Variants in SRD5A2 observed in about 807,000 individuals in gnomAD.
SRD5A2 encodes steroid 5 alpha-reductase 2, also known as 3-oxo-5-alpha-steroid 4-dehydrogenase 2.
In SRD5A2, 30 loss-of-function variants were observed where a neutral mutation model predicts 27.4. The ratio of observed to expected loss-of-function variants is 1.10; its 90% CI spans 0.82 to 1.49. The LOEUF (loss-of-function observed/expected upper bound fraction) is 1.49, where lower values mean the gene tolerates loss of function less well. Among genes scored for constraint, SRD5A2 ranks in the 40% most tolerant of loss-of-function variants. SRD5A2 has a pLI of 0.00. For missense variants in SRD5A2, 348 were observed against 323.4 expected, an observed-to-expected ratio of 1.08 and a Z score of -0.58; for synonymous variants, 141 against 133.6, an observed-to-expected ratio of 1.06 and a Z score of -0.38.
intron 1 of SRD5A2, among the ~76,000 whole-genome samples, chr2:31,575,302 G>GACTCAA (rs1257417591): frequency 6.6e-6 from 1 of 152,188 alleles, no homozygotes. Flanking sequence ...CTCATGAGAA[G>GACTCAA]ACTCAAGTTC....
At chr2:31,601,825 C>T in the SRD5A2 span, among the ~76,000 whole-genome samples, 5 of 151,850 alleles carry the variant, frequency 3.3e-5, no homozygotes, top group South Asian at 2.1e-4. Context: ...TTATTTCAAT[C>T]GATGCAGAAA....
At chr2:31,651,158 T>C in the SRD5A2 span, among the ~76,000 whole-genome samples, 1 of 152,126 alleles carries the variant, frequency 6.6e-6, no homozygotes. Context: ...ATCCCACCCA[T>C]CCCTGGCTCT....
the SRD5A2 span, among the ~76,000 whole-genome samples, chr2:31,630,049 C>T: frequency 2.6e-5 from 4 of 152,170 alleles, no homozygotes; most frequent in African/African-American, 7.2e-5. Context: ...ATGTGGGACC[C>T]ATTCCCCACC....
intron 1 of SRD5A2, among the ~76,000 whole-genome samples, chr2:31,546,955 AG>A (rs1209860182): frequency 2.6e-5 from 4 of 152,040 alleles, no homozygotes; most frequent in Non-Finnish European, 5.9e-5. Context: ...AAAAGTAGCC[AG>A]GCGTGGTGGC....
chr2:31,588,198 T>C, the SRD5A2 span, among the ~76,000 whole-genome samples: 1 of 152,104 alleles, frequency 6.6e-6, no homozygotes, highest in South Asian at 2.1e-4. Flanking sequence ...GTGGAAAGTT[T>C]ATTCAAAGGG....
the SRD5A2 span, among the ~76,000 whole-genome samples, chr2:31,627,295 G>A: frequency 6.6e-6 from 1 of 151,900 alleles, no homozygotes; most frequent in African/African-American, 2.4e-5. Context: ...GTATTTCTGT[G>A]GGTTCAGTGG....
In SRD5A2 at chr2:31,540,065, C is replaced by T. The variant is rs544361885; in HGVS notation, c.282-6299G>A. Among the ~76,000 whole-genome samples the T allele has an allele frequency of 4.6e-5, 7 of 152,110 alleles. No homozygotes were observed. The East Asian group carries it at 5.8e-4, about 13-fold the overall frequency. On this transcript the variant is annotated intron_variant, in intron 1 of 4. Coordinates refer to ENST00000622030, the MANE Select transcript of SRD5A2 (RefSeq NM_000348.4). Reference sequence around the variant, plus strand: ...AATGAGGAAGAAAAATGTGGCATTACGGGAAGTATGTTTTCTACACTCAAA... The same window carrying T: ...AATGAGGAAGAAAAATGTGGCATTATGGGAAGTATGTTTTCTACACTCAAA...
At chr2:31,639,411 C>T in the SRD5A2 span, among the ~76,000 whole-genome samples, 2 of 152,108 alleles carry the variant, frequency 1.3e-5, no homozygotes, top group African/African-American at 2.4e-5. Context: ...TGAGTGTGTC[C>T]ATGTACTTTA....
chr2:31,583,886 G>C (rs532691007), upstream of SRD5A2, among the ~76,000 whole-genome samples: 1 of 152,096 alleles, frequency 6.6e-6, no homozygotes, highest in African/African-American at 2.4e-5. Flanking sequence ...AGAAGCACCA[G>C]TGTTAGGAGG....
At chr2:31,600,846 A>T in the SRD5A2 span, among the ~76,000 whole-genome samples, 1 of 152,110 alleles carries the variant, frequency 6.6e-6, no homozygotes, top group Admixed American at 6.6e-5. Context: ...ACAATACTTT[A>T]AAATAGCATT....
chr2:31,532,423 T>C (rs7559265), intron 2 of SRD5A2, among the ~76,000 whole-genome samples: 107 of 150,802 alleles, frequency 7.1e-4, no homozygotes, highest in African/African-American at 2.5e-3. Flanking sequence ...AGTAGCATAC[T>C]ACACACACTG....
At chr2:31,661,598 T>C in the SRD5A2 span, among the ~76,000 whole-genome samples, 1 of 152,186 alleles carries the variant, frequency 6.6e-6, no homozygotes, top group South Asian at 2.1e-4. Flanking sequence ...TTGTGTCAAA[T>C]ATTAAGATGT....
the SRD5A2 span, among the ~76,000 whole-genome samples, chr2:31,625,905 T>C: frequency 6.6e-6 from 1 of 152,102 alleles, no homozygotes; most frequent in African/African-American, 2.4e-5. Flanking sequence ...AAGAAAGTCA[T>C]TGGTAGCTTG....
In SRD5A2 at chr2:31,525,749, GT is replaced by G; in HGVS notation, c.*446del. ...TGCTCTGGGTCTTTGTGGCTTCAGA[GT>G]TTAAATTTCTGCTACTCTGTTACAT... On this transcript the variant is annotated 3_prime_UTR_variant, in exon 5 of 5. Transcript: ENST00000622030. 4.4e-6 allele frequency: 1 copy of G among 228,798 alleles called. No homozygotes were observed. The highest frequency in any genetic ancestry group is 8.7e-6 in the Non-Finnish European group (1 of 115,462). 14.2% of individuals were successfully genotyped at this position (228,798 alleles called of 1,614,324 possible). A position where few individuals can be genotyped will look rare whatever the true frequency, so the allele number is the denominator to read the frequency against.
the SRD5A2 span, among the ~76,000 whole-genome samples, chr2:31,624,578 A>G: frequency 6.6e-5 from 10 of 152,084 alleles, no homozygotes; most frequent in Middle Eastern, 3.4e-3. Flanking sequence ...TCATTGTTCA[A>G]TTCCCACCTA....
At chr2:31,660,216 C>G in the SRD5A2 span, among the ~76,000 whole-genome samples, 4 of 152,030 alleles carry the variant, frequency 2.6e-5, no homozygotes, top group Non-Finnish European at 1.5e-5. Flanking sequence ...CCATTTCTTA[C>G]TCATCAGATT....
Position 31,523,159 on chromosome 2 carries a change from G to A in SRD5A2, c.*3037C>T, listed in dbSNP as rs754409186. On this transcript the variant is annotated 3_prime_UTR_variant, in exon 5 of 5. Transcript: ENST00000622030. The stretch of plus-strand genomic sequence containing the variant: ...TGACCTGAAACCTTTTTTCCATGCT[G>A]AACACACATGTTGTCTTGACTACAC... The A allele has an allele frequency of 3.2e-5, 7 of 216,042 alleles. No individual in the cohort carries two copies. The highest frequency in any genetic ancestry group is 4.7e-5 in the Non-Finnish European group (5 of 107,250). 13.4% of individuals were successfully genotyped at this position (216,042 alleles called of 1,614,324 possible).
At chr2:31,546,373 A>C (rs1220672021) in intron 1 of SRD5A2, among the ~76,000 whole-genome samples, 1 of 152,218 alleles carries the variant, frequency 6.6e-6, no homozygotes, top group African/African-American at 2.4e-5. Context: ...TATAAAGACA[A>C]AGACATGCAA....
chr2:31,544,770 T>C (rs544283191), intron 1 of SRD5A2, among the ~76,000 whole-genome samples: 1 of 151,898 alleles, frequency 6.6e-6, no homozygotes, highest in South Asian at 2.1e-4. Context: ...TGCTCCTTCT[T>C]TAAAAATTTT....
Sources: gnomAD v4.1 joint callset for allele counts (sites outside exome capture counted in the v4.1 genomes callset) on GRCh38, gnomAD v4.1.1 for gene constraint, MANE v1.5 for transcripts, NCBI Gene and HGNC (gene_info 2026-07-23, HGNC 2026-07-21) for gene names.